SPAST: variants seen among roughly 807,000 people sequenced by gnomAD.
The protein encoded by SPAST is spastin, also known as spastic paraplegia 4 (autosomal dominant; spastin).
SPAST carries 30 observed loss-of-function variants against 76.6 expected under a neutral mutation model. The observed-to-expected ratio is 0.39, with a 90% CI of 0.29 to 0.53. The LOEUF (loss-of-function observed/expected upper bound fraction) is 0.53. Ranked by LOEUF, SPAST falls within the 20% of genes least tolerant of loss-of-function variation. The pLI, the probability that SPAST is intolerant of heterozygous loss-of-function variation, is 0.68. For synonymous variants in SPAST, 305 were observed against 281.0 expected (o/e 1.09, Z -0.86); for missense variants, 717 against 770.5 (o/e 0.93, Z 0.82).
At chr2:32,083,036 A>G (rs1255599281) in intron 1 of SPAST, among the ~76,000 whole-genome samples, 2 of 152,002 alleles carry the variant, frequency 1.3e-5, no homozygotes, top group Non-Finnish European at 2.9e-5. Flanking sequence ...CAGTGGCGCA[A>G]TCACAGCTCA....
chr2:32,121,535 CTTTTTTTTTTTT>C (rs34519148), intron 7 of SPAST, among the ~76,000 whole-genome samples: 3 of 102,732 alleles, frequency 2.9e-5, no homozygotes, highest in Non-Finnish European at 5.6e-5. Context: ...ATCTTTCTCA[CTTTTTTTTTTTT>C]TTTTTTTTTT....
In SPAST at chr2:32,154,713, G is replaced by A. The variant is rs1361705146; in HGVS notation, c.*217G>A. On this transcript the variant is annotated 3_prime_UTR_variant, in exon 17 of 17. Coordinates refer to ENST00000315285, the MANE Select transcript of SPAST (RefSeq NM_014946.4). The stretch of plus-strand genomic sequence containing the variant: ...TGTTGTTTAAGGCCTTGCCTTGATG[G>A]TCACAGTTATCCCAATGGACACTAA... The A allele has an allele frequency of 1.8e-6, 1 of 541,996 alleles. No individual in the cohort carries two copies. Among genetic ancestry groups the A allele is most frequent in the African/African-American group, 1.9e-5 (1 of 52,434 alleles). The allele number at this position is 541,996 out of a possible 1,614,324, so 33.6% of individuals were successfully genotyped here.
intron 7 of SPAST, among the ~76,000 whole-genome samples, chr2:32,120,831 G>A (rs972554448): frequency 1.3e-5 from 2 of 151,942 alleles, no homozygotes; most frequent in East Asian, 3.9e-4. Flanking sequence ...GTTGTGTGAG[G>A]GAATATTTTG....
At chr2:32,132,649 T>C (rs1038065494) in intron 9 of SPAST, among the ~76,000 whole-genome samples, 1 of 152,102 alleles carries the variant, frequency 6.6e-6, no homozygotes, top group African/African-American at 2.4e-5. Context: ...CATGCCAGTT[T>C]GTCAGTATGC....
rs1403376454 is a variant in SPAST, at chr2:32,156,756, CA to C, written c.*2261del. On this transcript the variant is annotated 3_prime_UTR_variant, in exon 17 of 17. Transcript: ENST00000315285. ...AATATATTGTCTCCTTTAAAACTAT[CA>C]TGGTTATAATTCTATTGGGAAAGAC... 1 of 152,162 alleles carries C rather than the reference CA, an allele frequency of 6.6e-6. No homozygotes were observed. The highest frequency in any genetic ancestry group is 2.4e-5 in the African/African-American group (1 of 41,442). 9.4% of individuals were successfully genotyped at this position (152,162 alleles called of 1,614,324 possible).
chr2:32,144,846 T>A, intron 14 of SPAST, 91 bp from the exon 15 acceptor site: 1 of 789,582 alleles, frequency 1.3e-6, no homozygotes, highest in Non-Finnish European at 2.2e-6. Context: ...ATCATGCCAT[T>A]GCACTCCAGC....
chr2:32,135,027 T>C (rs908504915), intron 9 of SPAST, among the ~76,000 whole-genome samples: 4 of 151,818 alleles, frequency 2.6e-5, no homozygotes, highest in Non-Finnish European at 5.9e-5. Context: ...TGAACTGACC[T>C]TAAGAAAGTA....
intron 1 of SPAST, among the ~76,000 whole-genome samples, chr2:32,075,547 C>CTTTTTTTTTTTT (rs773998404): frequency 5.8e-5 from 5 of 85,492 alleles, no homozygotes; most frequent in Non-Finnish European, 6.2e-5. Context: ...TGGCTTTTTT[C>CTTTTTTTTTTTT]TTTTTTTTTT....
At chr2:32,083,876 T>C (rs908810303) in intron 1 of SPAST, among the ~76,000 whole-genome samples, 13 of 148,804 alleles carry the variant, frequency 8.7e-5, no homozygotes, top group Middle Eastern at 3.4e-3. Flanking sequence ...CCTCCCAGGT[T>C]CAAGTGATTC....
Position 32,114,662 on chromosome 2 carries a change from A to C in SPAST, c.707A>C (p.Lys236Thr). Residue 236 changes from lysine (K) to threonine (T), a missense_variant, in exon 5 of 17, where the codon AAA becomes ACA. By Grantham distance (78) the Lys-to-Thr change is moderately conservative. This residue lies in a region of SPAST where 543 missense variants were observed against 445.2 expected (regional missense o/e 1.22). Transcript: ENST00000315285. ...GAAAGTGGAGCTGTTCCAAAAAGAAAAGACCCCTTAACACACACTAGTAAT... is the reference window on the plus strand; with the variant it reads ...GAAAGTGGAGCTGTTCCAAAAAGAACAGACCCCTTAACACACACTAGTAAT... ...QSESGAVPKR[K>T]DPLTHTSNSL... is the part of the protein sequence containing the mutation. 1 of 1,614,154 alleles carries C rather than the reference A, an allele frequency of 6.2e-7. No homozygotes were observed. The highest frequency in any genetic ancestry group is 8.5e-7 in the Non-Finnish European group (1 of 1,180,002).
chr2:32,087,694 C>CCTT, intron 2 of SPAST, 116 bp downstream of exon 2: 1 of 185,146 alleles, frequency 5.4e-6, no homozygotes, highest in Non-Finnish European at 9.3e-6. Flanking sequence ...CTTTTCTTTT[C>CCTT]TTTTTTTTTT....
intron 1 of SPAST, among the ~76,000 whole-genome samples, chr2:32,084,590 G>GA (rs1558620803): frequency 6.6e-6 from 1 of 151,822 alleles, no homozygotes; most frequent in African/African-American, 2.4e-5. Context: ...CTTAATAATA[G>GA]AAAAAATGGT....
intron 4 of SPAST, among the ~76,000 whole-genome samples, chr2:32,107,372 C>G (rs1558317213): frequency 1.3e-5 from 2 of 152,114 alleles, no homozygotes; most frequent in Admixed American, 6.5e-5. Flanking sequence ...CCACTTCATC[C>G]TCCCAAGTAG....
intron 1 of SPAST, among the ~76,000 whole-genome samples, chr2:32,076,390 A>G (rs139607851): frequency 6.6e-6 from 1 of 151,564 alleles, no homozygotes; most frequent in African/African-American, 2.4e-5. Context: ...GTTTTATTAA[A>G]TTTTTTTTTC....
chr2:32,086,834 AAATT>A lies in SPAST; in HGVS notation c.416-653_416-650del, dbSNP rs1434512743. On this transcript the variant is annotated intron_variant, in intron 1 of 16. Coordinates refer to ENST00000315285, the MANE Select transcript of SPAST (RefSeq NM_014946.4). ...TCAAAAATAATAGAAATAAAACAAA[AAATT>A]AATTTTCAAATATGTGATTTGAGTA... Among the ~76,000 whole-genome samples the A allele has an allele frequency of 1.4e-4, 22 of 152,228 alleles. No individual in the cohort carries two copies. The South Asian group carries it at 1.9e-3, about 13-fold the overall frequency.
Position 32,100,969 on chromosome 2 carries a change from T to G in SPAST, c.682+2078T>G, listed in dbSNP as rs1457919104. On this transcript the variant is annotated intron_variant, in intron 4 of 16. Coordinates refer to ENST00000315285, the MANE Select transcript of SPAST (RefSeq NM_014946.4). ...AGCATGATTTATAATCCTTTGGGTA[T>G]ATACCCAGTAATGGGATGGCTGGGT... Among the ~76,000 whole-genome samples, 10 of 152,354 alleles carry G rather than the reference T, an allele frequency of 6.6e-5. No individual in the cohort carries two copies. In the East Asian group the frequency reaches 1.9e-3, roughly 29 times the overall value.
At chr2:32,108,001 A>G (rs1678389888) in intron 4 of SPAST, among the ~76,000 whole-genome samples, 1 of 152,140 alleles carries the variant, frequency 6.6e-6, no homozygotes, top group Non-Finnish European at 1.5e-5. Context: ...TTTCTACTCA[A>G]AATTACTAGA....
Position 32,154,701 on chromosome 2 carries a change from C to A in SPAST, c.*205C>A. On this transcript the variant is annotated 3_prime_UTR_variant, in exon 17 of 17. Transcript: ENST00000315285. The stretch of plus-strand genomic sequence containing the variant: ...AATGTAATTTTTTGTTGTTTAAGGC[C>A]TTGCCTTGATGGTCACAGTTATCCC... The A allele has an allele frequency of 3.5e-6, 2 of 570,504 alleles. No individual in the cohort carries two copies. The highest frequency in any genetic ancestry group is 6.2e-6 in the Non-Finnish European group (2 of 324,026). The allele number at this position is 570,504 out of a possible 1,614,324, so 35.3% of individuals were successfully genotyped here. A position where few individuals can be genotyped will look rare whatever the true frequency, so the allele number is the denominator to read the frequency against.
At position 32,116,136 on chromosome 2, in the gene SPAST, T is replaced by G; in HGVS notation, c.1022T>G (p.Phe341Cys). 6.2e-7 allele frequency: 1 copy of G among 1,613,096 alleles called. No individual in the cohort carries two copies. Among genetic ancestry groups the G allele is most frequent in the Non-Finnish European group, 8.5e-7 (1 of 1,179,234 alleles). ...TTTCTTAGTGGAACAGCTGTTAAAT[T>G]TGATGATATAGCTGGTCAAGACTTG... is the stretch of plus-strand genomic sequence containing the variant. ...EIVDNGTAVKFDDIAGQDLAK... is the reference protein window; with the variant it reads ...EIVDNGTAVKCDDIAGQDLAK... Residue 341 changes from phenylalanine (F) to cysteine (C), a missense_variant, in exon 7 of 17, where the codon TTT becomes TGT. By Grantham distance (205) the Phe-to-Cys change is radical. This residue lies in a region of SPAST where 543 missense variants were observed against 445.2 expected (regional missense o/e 1.22). Coordinates refer to ENST00000315285, the MANE Select transcript of SPAST (RefSeq NM_014946.4).
Sources: allele counts gnomAD v4.1 joint callset (sites outside exome capture counted in the v4.1 genomes callset), GRCh38; gene constraint gnomAD v4.1.1; regional missense constraint gnomAD v4.1.1; transcripts MANE v1.5; gene names NCBI Gene and HGNC (gene_info 2026-07-23, HGNC 2026-07-21).